The following AKAP19 variants were observed in gnomAD, a reference collection of about 807,000 sequenced individuals.
AKAP19 encodes small A-kinase anchoring protein.
chr2:190,050,945 C>T, the AKAP19 span, among the ~76,000 whole-genome samples: 4 of 152,028 alleles, frequency 2.6e-5, no homozygotes, highest in South Asian at 2.1e-4. Flanking sequence ...GTGTGAGGTC[C>T]GTGGAGAGGA....
chr2:190,012,798 G>T, the AKAP19 span, among the ~76,000 whole-genome samples: 1 of 152,110 alleles, frequency 6.6e-6, no homozygotes, highest in East Asian at 1.9e-4. Flanking sequence ...AACCTAATGT[G>T]TTGAGAGTGT....
At chr2:190,144,028 G>A in the AKAP19 span, among the ~76,000 whole-genome samples, 2 of 109,600 alleles carry the variant, frequency 1.8e-5, no homozygotes, top group African/African-American at 6.7e-5. Context: ...TGGTGGGGTG[G>A]GGGGAGGGGG....
chr2:190,057,303 A>G, the AKAP19 span: 2 of 1,613,430 alleles, frequency 1.2e-6, no homozygotes, highest in Non-Finnish European at 8.5e-7. Context: ...GAATTTTCCC[A>G]TATATTATTT....
the AKAP19 span, among the ~76,000 whole-genome samples, chr2:189,987,171 G>C: frequency 3.3e-5 from 5 of 152,206 alleles, no homozygotes; most frequent in South Asian, 1.0e-3. Context: ...CATGGGGGCC[G>C]GTCTTTCCAT....
chr2:189,894,094 A>G, the AKAP19 span, among the ~76,000 whole-genome samples: 43,928 of 152,040 alleles, frequency 0.29, 10,806 homozygotes, highest in African/African-American at 0.67. Flanking sequence ...AAATGTGTTT[A>G]CCAAATATAT....
chr2:190,160,700 G>A, the AKAP19 span, among the ~76,000 whole-genome samples: 2 of 114,732 alleles, frequency 1.7e-5, no homozygotes, highest in Admixed American at 8.5e-5. Context: ...CTCAATTTGC[G>A]ATTTTTTTTT....
chr2:190,062,542 C>G, the AKAP19 span: 1 of 1,613,196 alleles, frequency 6.2e-7, no homozygotes, highest in African/African-American at 1.3e-5. Flanking sequence ...TCCACTGGAC[C>G]AGCAACAATC....
the AKAP19 span, among the ~76,000 whole-genome samples, chr2:190,128,456 G>A: frequency 7.2e-5 from 11 of 152,176 alleles, no homozygotes; most frequent in African/African-American, 1.9e-4. Context: ...TCTTGACACA[G>A]GGCAAGTGCT....
chr2:190,118,194 A>G, the AKAP19 span, among the ~76,000 whole-genome samples: 3 of 152,204 alleles, frequency 2.0e-5, no homozygotes, highest in African/African-American at 4.8e-5. Flanking sequence ...TACTAGACCA[A>G]TAACAGGCTC....
chr2:190,089,686 T>A, the AKAP19 span: 1 of 152,142 alleles, frequency 6.6e-6, no homozygotes, highest in South Asian at 2.1e-4. Context: ...ACATACACCA[T>A]AAAGAATTTG....
At chr2:190,138,310 TGAG>T in the AKAP19 span, among the ~76,000 whole-genome samples, 1 of 152,178 alleles carries the variant, frequency 6.6e-6, no homozygotes, top group African/African-American at 2.4e-5. Flanking sequence ...CAGAACTTGA[TGAG>T]GAGTAGATAG....
the AKAP19 span, among the ~76,000 whole-genome samples, chr2:189,980,874 G>A: frequency 6.6e-6 from 1 of 152,076 alleles, no homozygotes; most frequent in Non-Finnish European, 1.5e-5. Context: ...ATTTTATTAT[G>A]GTTCAAGAAG....
At chr2:190,011,765 T>C in the AKAP19 span, among the ~76,000 whole-genome samples, 1 of 152,194 alleles carries the variant, frequency 6.6e-6, no homozygotes, top group Non-Finnish European at 1.5e-5. Context: ...GTTTCTGGGC[T>C]TGCTATTCTT....
chr2:189,961,116 G>A, the AKAP19 span, among the ~76,000 whole-genome samples: 2 of 152,278 alleles, frequency 1.3e-5, no homozygotes, highest in Admixed American at 1.3e-4. Flanking sequence ...AGACAAGTGC[G>A]AGAAACAAAG....
At chr2:190,181,062 G>A in the AKAP19 span, 1 of 985,594 alleles carries the variant, frequency 1.0e-6, no homozygotes, top group Admixed American at 6.1e-5. Context: ...GGGACCCCAC[G>A]GCTGTCCGGA....
the AKAP19 span, among the ~76,000 whole-genome samples, chr2:190,138,653 C>G: frequency 6.6e-6 from 1 of 152,194 alleles, no homozygotes; most frequent in African/African-American, 2.4e-5. Flanking sequence ...TGCCCTCAAC[C>G]TTTTAACAGG....
the AKAP19 span, among the ~76,000 whole-genome samples, chr2:190,152,935 G>A: frequency 4.1e-5 from 6 of 146,008 alleles, no homozygotes; most frequent in East Asian, 5.9e-4. Flanking sequence ...TCACTCTGTC[G>A]CCTAGGCTGG....
chr2:190,008,747 CACACACACACA>C, the AKAP19 span, among the ~76,000 whole-genome samples: 4 of 99,068 alleles, frequency 4.0e-5, no homozygotes, highest in African/African-American at 1.1e-4. Flanking sequence ...CACACACACA[CACACACACACA>C]CACACACACA....
At chr2:189,978,363 G>A in the AKAP19 span, among the ~76,000 whole-genome samples, 1 of 152,154 alleles carries the variant, frequency 6.6e-6, no homozygotes, top group African/African-American at 2.4e-5. Flanking sequence ...GCTCATGCCT[G>A]TAATCACAAC....
Sources: gnomAD v4.1 joint callset for allele counts (sites outside exome capture counted in the v4.1 genomes callset) on GRCh38, gnomAD v4.1.1 for gene constraint, MANE v1.5 for transcripts, NCBI Gene and HGNC (gene_info 2026-07-23, HGNC 2026-07-21) for gene names.